The following C19orf47 variants were observed in gnomAD, a reference collection of about 807,000 sequenced individuals.
C19orf47 encodes the protein chromosome 19 open reading frame 47, also known as uncharacterized protein C19orf47.
Under a neutral mutation model 32.3 loss-of-function variants are expected in C19orf47, and 18 were observed. The observed-to-expected ratio is 0.56, with a 90% CI of 0.39 to 0.83. C19orf47 has a LOEUF of 0.83. Ranked by LOEUF, C19orf47 falls within the 40% of genes least tolerant of loss-of-function variation. The pLI, the probability that C19orf47 is intolerant of heterozygous loss-of-function variation, is 0.00. For missense variants in C19orf47, 484 were observed against 531.6 expected (o/e 0.91, Z 0.88); for synonymous variants, 202 against 211.1 (o/e 0.96, Z 0.37).
the C19orf47 span, among the ~76,000 whole-genome samples, chr19:40,305,118 G>A: frequency 3.9e-5 from 6 of 152,106 alleles, no homozygotes; most frequent in Admixed American, 6.6e-5. Flanking sequence ...AAAGGAGAGC[G>A]GATCACCTGA....
At chr19:40,295,677 C>T in the C19orf47 span, among the ~76,000 whole-genome samples, 3 of 151,934 alleles carry the variant, frequency 2.0e-5, no homozygotes, top group Admixed American at 1.3e-4. Flanking sequence ...CTCAGGTGAT[C>T]CGCCCGCCTC....
chr19:40,309,534 G>T, the C19orf47 span, among the ~76,000 whole-genome samples: 13 of 152,076 alleles, frequency 8.5e-5, no homozygotes, highest in Admixed American at 7.9e-4. Flanking sequence ...ATTCAGGACT[G>T]ATTTTTGCAT....
chr19:40,332,648 A>C (rs2077978605), intron 5 of C19orf47: 1 of 148,958 alleles, frequency 6.7e-6, no homozygotes, highest in African/African-American at 2.5e-5. Flanking sequence ...CTCCATCTCA[A>C]AAAAAAAAAA....
chr19:40,341,600 C>G (rs1054355945), intron 2 of C19orf47, among the ~76,000 whole-genome samples: 2 of 152,126 alleles, frequency 1.3e-5, no homozygotes, highest in Non-Finnish European at 1.5e-5. Context: ...CGTGGGAGAC[C>G]TGCTGGACTT....
At chr19:40,300,954 C>T in the C19orf47 span, among the ~76,000 whole-genome samples, 1 of 152,046 alleles carries the variant, frequency 6.6e-6, no homozygotes, top group Non-Finnish European at 1.5e-5. Flanking sequence ...AAGCTCGAGA[C>T]CAGCCTGGCC....
In C19orf47 at chr19:40,336,224, C is replaced by T. The variant is rs982375000; in HGVS notation, c.108G>A (p.Arg36=). The change falls in exon 4 of 9, where the codon AGG becomes AGA. Residue 36 remains arginine (R), a splice_region_variant and synonymous_variant. Coordinates refer to ENST00000683109, the MANE Select transcript of C19orf47 (RefSeq NM_001256441.2). Reference sequence around the variant, plus strand: ...GATCCAGCAGCATGCTCTTCTGAATCCTGCAGGGAAAGGTCAGTGGTGAGG... The same window carrying T: ...GATCCAGCAGCATGCTCTTCTGAATTCTGCAGGGAAAGGTCAGTGGTGAGG... ...VNYAVMFVDN[R]IQKSMLLDLN... is the part of the protein sequence containing the mutation. The T allele has an allele frequency of 6.2e-7, 1 of 1,614,212 alleles. No homozygotes were observed.
rs766380998 is a variant in C19orf47 at position 40,333,904 on chromosome 19, G to A, written c.248C>T (p.Ser83Leu). ...RQDMCKAATE[S>L]VPCSPSPLAG... is the part of the protein sequence containing the mutation. ...AAGGGGGCTAGGGCTGCAGGGTACT[G>A]ACTCAGTGGCAGCTTTGCACATGTC... The change falls in exon 5 of 9, where the codon TCA becomes TTA. Residue 83 changes from serine (S) to leucine (L), a missense_variant. Transcript: ENST00000683109. 5 of 1,577,370 alleles carry A rather than the reference G, an allele frequency of 3.2e-6. No individual in the cohort carries two copies. The Admixed American group carries it at 9.2e-5, about 29-fold the overall frequency.
intron 2 of C19orf47, among the ~76,000 whole-genome samples, chr19:40,338,631 C>T (rs2078117492): frequency 6.6e-6 from 1 of 152,112 alleles, no homozygotes; most frequent in Admixed American, 6.6e-5. Flanking sequence ...GATCCACATG[C>T]CCTGGCCTCC....
At chr19:40,348,516 A>G, upstream of C19orf47, 1 of 1,480,542 alleles carries the variant, frequency 6.8e-7, no homozygotes. Context: ...CATAACCATC[A>G]CGTGACCGCC....
At position 40,321,493 on chromosome 19, in the gene C19orf47, A is replaced by C. The variant is rs2077717157; in HGVS notation, c.*389T>G. Reference sequence around the variant, plus strand: ...AAGGGAGGCCCACCAGGTGACACCCACTTAGTTGAGGGGGACAGGGAGGCT... The same window carrying C: ...AAGGGAGGCCCACCAGGTGACACCCCCTTAGTTGAGGGGGACAGGGAGGCT... On this transcript the variant is annotated 3_prime_UTR_variant, in exon 9 of 9. Transcript: ENST00000683109. The C allele has an allele frequency of 2.9e-6, 3 of 1,019,850 alleles. No individual in the cohort carries two copies. The highest frequency in any genetic ancestry group is 3.5e-6 in the Non-Finnish European group (3 of 851,160). The allele number at this position is 1,019,850 out of a possible 1,614,324, so 63.2% of individuals were successfully genotyped here.
At chr19:40,303,195 T>C in the C19orf47 span, among the ~76,000 whole-genome samples, 1 of 147,232 alleles carries the variant, frequency 6.8e-6, no homozygotes, top group Non-Finnish European at 1.5e-5. Flanking sequence ...GCCATTGCAC[T>C]CCAGCCTGGG....
the C19orf47 span, among the ~76,000 whole-genome samples, chr19:40,308,220 A>G: frequency 6.6e-6 from 1 of 151,718 alleles, no homozygotes; most frequent in Non-Finnish European, 1.5e-5. Context: ...CAGTGACACA[A>G]TCTCGGCTCA....
At chr19:40,295,887 C>G in the C19orf47 span, among the ~76,000 whole-genome samples, 1 of 152,166 alleles carries the variant, frequency 6.6e-6, no homozygotes, top group Non-Finnish European at 1.5e-5. Context: ...GGTGGGACTA[C>G]AGGCATGTGC....
chr19:40,327,313 C>A (rs1356764455), intron 6 of C19orf47, among the ~76,000 whole-genome samples: 1 of 139,112 alleles, frequency 7.2e-6, no homozygotes, highest in Non-Finnish European at 1.6e-5. Context: ...CCCGCCCAGC[C>A]TTTTTTTTTT....
chr19:40,347,372 T>C (rs1046450080), intron 1 of C19orf47, among the ~76,000 whole-genome samples: 5 of 151,374 alleles, frequency 3.3e-5, no homozygotes, highest in African/African-American at 1.2e-4. Context: ...TCTACTAAAA[T>C]ACAAAAAAAA....
the C19orf47 span, among the ~76,000 whole-genome samples, chr19:40,308,869 A>G: frequency 2.6e-5 from 4 of 152,170 alleles, no homozygotes; most frequent in African/African-American, 7.2e-5. Context: ...CAAGAGTTTG[A>G]GACTAGCCTG....
intron 7 of C19orf47, among the ~76,000 whole-genome samples, 177 bp downstream of exon 7, chr19:40,326,157 A>C (rs777847206): frequency 6.6e-6 from 1 of 152,244 alleles, no homozygotes; most frequent in Non-Finnish European, 1.5e-5. Context: ...ATCAGAGGGC[A>C]GAGGTGATGT....
Position 40,336,135 on chromosome 19 carries a change from T to C in C19orf47, c.197A>G (p.Lys66Arg). The C allele has an allele frequency of 6.2e-7, 1 of 1,614,180 alleles. No individual in the cohort carries two copies. Among genetic ancestry groups the C allele is most frequent in the Non-Finnish European group, 8.5e-7 (1 of 1,180,034 alleles). Residue 66 changes from lysine to arginine, a missense_variant, in exon 4 of 9, where the codon AAG (lysine) becomes AGG (arginine). Coordinates refer to ENST00000683109, the MANE Select transcript of C19orf47 (RefSeq NM_001256441.2). The stretch of plus-strand genomic sequence containing the variant: ...CTGACGGTGCACCACTTTGGCATGC[T>C]TGAGAATGGCGATGATGTCACCCAC... ...TVVGDIIAIL[K>R]HAKVVHRQDM...
rs764561143 is a variant in C19orf47, at chr19:40,328,381, GCTC to G, written c.439+29_439+31del. 4.4e-6 allele frequency: 7 copies of G among 1,608,134 alleles called. No homozygotes were observed. The Admixed American group carries it at 1.0e-4, about 24-fold the overall frequency. Reference sequence around the variant, plus strand: ...TCCTACCAACCCACGTTCCCCTCCAGCTCCTCCTACCACCTGCCCATGTTCCCT... The same window carrying G: ...TCCTACCAACCCACGTTCCCCTCCAGCTCCTACCACCTGCCCATGTTCCCT... On this transcript the variant is annotated intron_variant, in intron 6 of 8. Coordinates refer to ENST00000683109, the MANE Select transcript of C19orf47 (RefSeq NM_001256441.2).
Sources: gnomAD v4.1 joint callset for allele counts (sites outside exome capture counted in the v4.1 genomes callset) on GRCh38, gnomAD v4.1.1 for gene constraint, MANE v1.5 for transcripts, NCBI Gene and HGNC (gene_info 2026-07-23, HGNC 2026-07-21) for gene names.